Variants in MON2 observed in about 807,000 individuals in gnomAD.
MON2 encodes protein MON2 homolog.
A neutral mutation model predicts 208.6 loss-of-function variants in MON2; 84 were observed. That is an observed-to-expected ratio of 0.40 (90% CI 0.34 to 0.48). The LOEUF (loss-of-function observed/expected upper bound fraction) is 0.48. Ranked by LOEUF, MON2 falls within the 20% of genes least tolerant of loss-of-function variation. MON2 has a pLI of 0.59. For missense variants in MON2, 1,611 were observed against 2,015.4 expected (o/e 0.80, Z 3.84); for synonymous variants, 660 against 694.0 (o/e 0.95, Z 0.77).
At chr12:62,493,446 A>G (rs765318227) in intron 2 of MON2, among the ~76,000 whole-genome samples, 94 of 152,346 alleles carry the variant, frequency 6.2e-4, no homozygotes, top group Non-Finnish European at 9.6e-4. Flanking sequence ...GGCTGTTTAA[A>G]TTCAAGGCAT....
chr12:62,495,244 C>A, intron 4 of MON2, 97 bp downstream of exon 4: 1 of 1,056,460 alleles, frequency 9.5e-7, no homozygotes, highest in South Asian at 1.8e-5. Flanking sequence ...GAACCAAAAG[C>A]AACTTCCCTA....
At chr12:62,522,522 T>C (rs556373890) in intron 8 of MON2, among the ~76,000 whole-genome samples, 1 of 152,344 alleles carries the variant, frequency 6.6e-6, no homozygotes, top group Non-Finnish European at 1.5e-5. Context: ...TCTTAAGCCA[T>C]CAGATGTCTC....
intron 1 of MON2, among the ~76,000 whole-genome samples, chr12:62,468,062 A>G (rs1244428371): frequency 1.3e-5 from 2 of 152,028 alleles, no homozygotes; most frequent in Non-Finnish European, 2.9e-5. Flanking sequence ...TAAATAATAC[A>G]TGGAAATTTA....
At chr12:62,543,071 C>A in intron 19 of MON2, 26 bp from the exon 20 acceptor site, 1 of 1,254,798 alleles carries the variant, frequency 8.0e-7, no homozygotes, top group South Asian at 1.4e-5. Flanking sequence ...CTTATACTAT[C>A]AAAATACAAT....
intron 1 of MON2, among the ~76,000 whole-genome samples, chr12:62,481,919 G>A (rs563987944): frequency 6.6e-6 from 1 of 152,300 alleles, no homozygotes; most frequent in South Asian, 2.1e-4. Flanking sequence ...AAACAAAGGG[G>A]AGGCTAAACA....
Position 62,553,139 on chromosome 12 carries a change from T to C in MON2, c.3175T>C (p.Leu1059=). 2 of 1,614,190 alleles carry C rather than the reference T, an allele frequency of 1.2e-6. No homozygotes were observed. The highest frequency in any genetic ancestry group is 1.7e-6 in the Non-Finnish European group (2 of 1,180,004). ...FSTIGAHGTL[L]QHSTWHTVIW... ...TACAATTGGTGCGCATGGAACTTTA[T>C]TACAGCATTCAACCTGGCACACTGT... The change falls in exon 24 of 35, where the codon TTA becomes CTA. Residue 1059 remains leucine (L), a synonymous_variant. Transcript: ENST00000393630.
intron 2 of MON2, among the ~76,000 whole-genome samples, chr12:62,491,941 G>A (rs2070164131): frequency 1.3e-5 from 2 of 152,136 alleles, no homozygotes; most frequent in Non-Finnish European, 2.9e-5. Flanking sequence ...GGAGCTTTAT[G>A]GTCATGATCT....
chr12:62,517,819 A>C (rs964839317), intron 8 of MON2, among the ~76,000 whole-genome samples: 1 of 152,244 alleles, frequency 6.6e-6, no homozygotes, highest in Non-Finnish European at 1.5e-5. Context: ...GTTTCTGTCT[A>C]TCAATTCTGT....
chr12:62,565,869 G>A (rs2136374917), intron 27 of MON2, 145 bp from the exon 28 acceptor site: 1 of 689,868 alleles, frequency 1.4e-6, no homozygotes, highest in South Asian at 2.7e-5. Flanking sequence ...TTTTAACTTT[G>A]TTTAAGTAAA....
rs761524367 is a variant in MON2, at chr12:62,546,885, C to T, written c.2578-12C>T. 1.9e-6 allele frequency: 3 copies of T among 1,576,522 alleles called. No homozygotes were observed. The highest frequency in any genetic ancestry group is 1.7e-4 in the Middle Eastern group (1 of 5,892). ...ACTTCTCTTCCTAATTAGTTTCTTG[C>T]CCCCTTTTCAGAGGCTGCAGTTGCT... is the stretch of plus-strand genomic sequence containing the variant. On this transcript the variant is annotated splice_polypyrimidine_tract_variant and intron_variant, in intron 21 of 34. Coordinates refer to ENST00000393630, the MANE Select transcript of MON2 (RefSeq NM_015026.3).
rs2075349303 is a variant in MON2, at chr12:62,590,125, C to G, written c.4990+1969C>G. Among the ~76,000 whole-genome samples, 4 of 152,252 alleles carry G rather than the reference C, an allele frequency of 2.6e-5. No individual in the cohort carries two copies. The South Asian group carries it at 8.3e-4, about 32-fold the overall frequency. On this transcript the variant is annotated intron_variant, in intron 34 of 34. Transcript: ENST00000393630. ...GTCTTTTTTGAGACAGGCTCTTGCT[C>G]TGTCGCCCAGGCTAGTGTGCAGTGG... is the stretch of plus-strand genomic sequence containing the variant.
rs1592504994 is a variant in MON2, at chr12:62,598,122, T to G, written c.*5373T>G. On this transcript the variant is annotated 3_prime_UTR_variant, in exon 35 of 35. Coordinates refer to ENST00000393630, the MANE Select transcript of MON2 (RefSeq NM_015026.3). ...AGTCTTTGATGGAAGACCCGGAATC[T>G]TATAGTTCTCATATCTGAGTCTTTC... 4.6e-5 allele frequency: 7 copies of G among 152,310 alleles called. 3 individuals carry two copies. The highest frequency in any genetic ancestry group is 4.6e-4 in the Admixed American group (7 of 15,306). 9.4% of individuals were successfully genotyped at this position (152,310 alleles called of 1,614,324 possible).
intron 11 of MON2, among the ~76,000 whole-genome samples, chr12:62,532,177 T>C (rs374037462): frequency 3.3e-5 from 5 of 152,224 alleles, no homozygotes; most frequent in African/African-American, 1.2e-4. Flanking sequence ...ATGAAAACAT[T>C]GGCACAACTC....
intron 34 of MON2, among the ~76,000 whole-genome samples, chr12:62,589,943 A>T (rs1236568929): frequency 6.6e-6 from 1 of 152,162 alleles, no homozygotes; most frequent in African/African-American, 2.4e-5. Flanking sequence ...TGAAAATTTA[A>T]ATTGAATGTA....
intron 30 of MON2, among the ~76,000 whole-genome samples, chr12:62,575,293 G>A (rs983869916): frequency 6.6e-6 from 1 of 152,214 alleles, no homozygotes; most frequent in African/African-American, 2.4e-5. Flanking sequence ...TACTAAAAGT[G>A]CAGTGTTAAG....
intron 34 of MON2, among the ~76,000 whole-genome samples, chr12:62,591,839 G>T (rs2075406603): frequency 6.6e-6 from 1 of 152,072 alleles, no homozygotes; most frequent in Admixed American, 6.5e-5. Flanking sequence ...ATGCCTCTTA[G>T]ATTTGAGACT....
chr12:62,544,113 T>C (rs931286021), intron 20 of MON2, among the ~76,000 whole-genome samples: 2 of 152,170 alleles, frequency 1.3e-5, no homozygotes, highest in Admixed American at 1.3e-4. Context: ...CATAGTTCTT[T>C]TGTGTTATTT....
chr12:62,578,403 G>A, intron 30 of MON2, 42 bp from the exon 31 acceptor site: 1 of 1,220,192 alleles, frequency 8.2e-7, no homozygotes, highest in Non-Finnish European at 1.2e-6. Flanking sequence ...GTATTTGCAG[G>A]GAATATTTTA....
chr12:62,583,977 A>AC (rs1377823725), intron 32 of MON2, among the ~76,000 whole-genome samples: 17 of 148,746 alleles, frequency 1.1e-4, no homozygotes, highest in African/African-American at 2.5e-4. Context: ...AAAAAAAACA[A>AC]AAAAAAAAAA....
Sources: gnomAD v4.1 joint callset for allele counts (sites outside exome capture counted in the v4.1 genomes callset) on GRCh38, gnomAD v4.1.1 for gene constraint, MANE v1.5 for transcripts, NCBI Gene and HGNC (gene_info 2026-07-23, HGNC 2026-07-21) for gene names.